Variants in TENM2 observed in about 807,000 individuals in gnomAD.
The protein encoded by TENM2 is teneurin-2.
A neutral mutation model predicts 245.2 loss-of-function variants in TENM2; 52 were observed. That is an observed-to-expected ratio of 0.21 (90% CI 0.17 to 0.27). The LOEUF is 0.27. Ranked by LOEUF, TENM2 falls within the 10% of genes least tolerant of loss-of-function variation. The pLI is 1.00. For synonymous variants in TENM2, 1,363 were observed against 1,438.9 expected (o/e 0.95, Z 1.19); for missense variants, 3,046 against 3,666.8 (o/e 0.83, Z 4.37).
At chr5:167,084,953 A>G in the TENM2 span, among the ~76,000 whole-genome samples, 1 of 152,192 alleles carries the variant, frequency 6.6e-6, no homozygotes, top group African/African-American at 2.4e-5. Context: ...TTAGGGCCCT[A>G]GTACATAATT....
chr5:167,704,088 G>T (rs1185420597), intron 2 of TENM2, among the ~76,000 whole-genome samples: 1 of 152,146 alleles, frequency 6.6e-6, no homozygotes, highest in East Asian at 1.9e-4. Flanking sequence ...GAACTGTGTG[G>T]TGGAAATTGG....
chr5:168,124,737 G>T (rs1266240419), intron 10 of TENM2, 113 bp from the exon 13 acceptor site: 1 of 958,758 alleles, frequency 1.0e-6, no homozygotes, highest in African/African-American at 1.6e-5. Flanking sequence ...CTAGCAAGTG[G>T]ATGGGAACTG....
intron 27 of TENM2, among the ~76,000 whole-genome samples, chr5:168,253,257 G>A (rs1308272590): frequency 2.6e-5 from 4 of 151,750 alleles, no homozygotes; most frequent in African/African-American, 9.7e-5. Context: ...GTGAGCCACC[G>A]CGCCTGGCAG....
At chr5:167,909,124 G>T (rs1776350248) in intron 3 of TENM2, among the ~76,000 whole-genome samples, 1 of 146,156 alleles carries the variant, frequency 6.8e-6, no homozygotes, top group African/African-American at 2.5e-5. Flanking sequence ...TCAAGGAAGA[G>T]AATTCACTTT....
At chr5:168,121,730 T>C (rs1049304923) in intron 10 of TENM2, among the ~76,000 whole-genome samples, 1 of 152,022 alleles carries the variant, frequency 6.6e-6, no homozygotes, top group African/African-American at 2.4e-5. Context: ...TTTTTTTTTT[T>C]GAAAGCTCCT....
At chr5:167,260,298 A>C in the TENM2 span, among the ~76,000 whole-genome samples, 10 of 152,168 alleles carry the variant, frequency 6.6e-5, no homozygotes, top group Admixed American at 5.2e-4. Context: ...GGAGGAAAAA[A>C]ATCATTAATA....
intron 2 of TENM2, among the ~76,000 whole-genome samples, chr5:167,478,317 A>C (rs1424607383): frequency 6.6e-6 from 1 of 152,200 alleles, no homozygotes; most frequent in Non-Finnish European, 1.5e-5. Context: ...ACTCATTGTG[A>C]TAAAACTGCT....
chr5:167,346,276 T>C (rs951756499), intron 1 of TENM2, among the ~76,000 whole-genome samples: 2 of 152,206 alleles, frequency 1.3e-5, no homozygotes, highest in Admixed American at 1.3e-4. Context: ...TCTCAACTTA[T>C]CAATTACAGG....
intron 2 of TENM2, among the ~76,000 whole-genome samples, chr5:167,655,662 G>A (rs961953851): frequency 3.9e-5 from 6 of 152,194 alleles, no homozygotes; most frequent in African/African-American, 1.2e-4. Context: ...TCATAGATGT[G>A]TAGGTGAATT....
At chr5:168,047,535 C>G (rs1451155180) in exon 6 of TENM2, 6 of 1,551,554 alleles carry the variant, frequency 3.9e-6, no homozygotes, top group Non-Finnish European at 3.5e-6. Context: ...GCAACAATGC[C>G]ATCTGGAGGC....
intron 3 of TENM2, among the ~76,000 whole-genome samples, chr5:167,946,682 G>A (rs192547877): frequency 7.4e-4 from 112 of 152,260 alleles, no homozygotes; most frequent in Middle Eastern, 6.8e-3. Context: ...CATACAGCTG[G>A]GAGGGGAAGA....
chr5:167,015,442 C>A, the TENM2 span, among the ~76,000 whole-genome samples: 2 of 152,130 alleles, frequency 1.3e-5, no homozygotes, highest in East Asian at 3.9e-4. Context: ...TTAAACAAGG[C>A]ACTTCTCCAC....
chr5:167,475,606 G>A (rs189663531), intron 2 of TENM2, among the ~76,000 whole-genome samples: 2 of 151,890 alleles, frequency 1.3e-5, no homozygotes, highest in African/African-American at 2.4e-5. Context: ...TTTAAGCCCC[G>A]CATGCATTAG....
intron 4 of TENM2, 151 bp from the exon 7 acceptor site, chr5:167,992,793 G>A (rs1489333878): frequency 1.8e-5 from 11 of 614,536 alleles, no homozygotes; most frequent in Admixed American, 1.5e-4. Flanking sequence ...TGTCATCATC[G>A]AATGTAATGT....
the TENM2 span, among the ~76,000 whole-genome samples, chr5:167,228,688 G>T: frequency 6.6e-6 from 1 of 150,992 alleles, no homozygotes; most frequent in African/African-American, 2.4e-5. Flanking sequence ...GACGTCTGGT[G>T]TAACAGTCAC....
intron 1 of TENM2, among the ~76,000 whole-genome samples, chr5:167,344,357 C>T (rs1758336237): frequency 6.7e-6 from 1 of 148,864 alleles, no homozygotes; most frequent in African/African-American, 2.5e-5. Context: ...ATGAAACTGA[C>T]TCCATAAATC....
the TENM2 span, among the ~76,000 whole-genome samples, chr5:167,000,792 C>T: frequency 6.6e-6 from 1 of 152,092 alleles, no homozygotes; most frequent in Non-Finnish European, 1.5e-5. Context: ...TATCAGAACT[C>T]CTAGCTCTAT....
intron 1 of TENM2, among the ~76,000 whole-genome samples, chr5:167,345,892 CAAA>C (rs57279945): frequency 4.4e-5 from 3 of 67,964 alleles, no homozygotes; most frequent in Non-Finnish European, 3.2e-5. Context: ...AACATACAGC[CAAA>C]AAAAAAAAAA....
chr5:167,019,772 C>A, the TENM2 span, among the ~76,000 whole-genome samples: 1 of 151,892 alleles, frequency 6.6e-6, no homozygotes, highest in African/African-American at 2.4e-5. Context: ...GCCCAGCCAA[C>A]AAGTTTTAAA....
Sources: allele counts gnomAD v4.1 joint callset (sites outside exome capture counted in the v4.1 genomes callset), GRCh38; gene constraint gnomAD v4.1.1; transcripts MANE v1.5; gene names NCBI Gene and HGNC (gene_info 2026-07-23, HGNC 2026-07-21).